The following MAPRE3 variants were observed in gnomAD, a reference collection of about 807,000 sequenced individuals.
The protein encoded by MAPRE3 is microtubule associated protein RP/EB family member 3, also known as microtubule-associated protein RP/EB family member 3.
MAPRE3 carries 2 observed loss-of-function variants against 30.5 expected under a neutral mutation model. That is an observed-to-expected ratio of 0.07 (90% confidence interval 0.03 to 0.21). The LOEUF is 0.21. Among genes scored for constraint, MAPRE3 ranks in the 10% least tolerant of loss-of-function variants. MAPRE3 has a pLI of 1.00. For missense variants in MAPRE3, 204 were observed against 351.8 expected (o/e 0.58, Z 3.36); for synonymous variants, 110 against 127.7 (o/e 0.86, Z 0.93).
At chr2:27,013,583 A>G (rs886644887) in intron 1 of MAPRE3, 4 of 151,844 alleles carry the variant, frequency 2.6e-5, no homozygotes, top group African/African-American at 4.9e-5. Flanking sequence ...CATTCATTCA[A>G]TAAATATATA....
intron 1 of MAPRE3, among the ~76,000 whole-genome samples, chr2:27,011,118 G>A (rs1666846752): frequency 1.3e-5 from 2 of 151,970 alleles, no homozygotes; most frequent in Non-Finnish European, 2.9e-5. Flanking sequence ...TATTTTCATC[G>A]CGTCCCTAAC....
chr2:26,980,653 G>A (rs1054007906), intron 1 of MAPRE3, among the ~76,000 whole-genome samples: 29 of 151,994 alleles, frequency 1.9e-4, no homozygotes, highest in African/African-American at 7.0e-4. Flanking sequence ...TTTTTCTTTT[G>A]TGGATTATTT....
chr2:27,026,711 C>G lies in MAPRE3; in HGVS notation c.*363C>G, dbSNP rs1180315562. On this transcript the variant is annotated 3_prime_UTR_variant, in exon 7 of 7. Coordinates refer to ENST00000233121, the MANE Select transcript of MAPRE3 (RefSeq NM_012326.4). ...AAAGTCATTGGTATATTTTTACTTA[C>G]TGGATTCTCCTTGCACTTTACCTGT... 4.5e-6 allele frequency: 1 copy of G among 221,300 alleles called. No individual in the cohort carries two copies. Among genetic ancestry groups the G allele is most frequent in the Non-Finnish European group, 8.8e-6 (1 of 113,850 alleles). The allele number at this position is 221,300 out of a possible 1,614,324, so 13.7% of individuals were successfully genotyped here. A position where few individuals can be genotyped will look rare whatever the true frequency, so the allele number is the denominator to read the frequency against.
chr2:26,979,719 G>A (rs571798010), intron 1 of MAPRE3, among the ~76,000 whole-genome samples: 15 of 152,354 alleles, frequency 9.8e-5, no homozygotes, highest in Admixed American at 1.3e-4. Flanking sequence ...AGGAATGGCC[G>A]TGGGAAGGGG....
intron 1 of MAPRE3, among the ~76,000 whole-genome samples, chr2:26,982,836 T>C (rs970878140): frequency 6.6e-6 from 1 of 152,236 alleles, no homozygotes; most frequent in African/African-American, 2.4e-5. Context: ...TTTGTTGCTG[T>C]CCATCCTTAA....
chr2:27,006,421 A>G (rs1666729937), intron 1 of MAPRE3, among the ~76,000 whole-genome samples: 1 of 152,094 alleles, frequency 6.6e-6, no homozygotes, highest in Non-Finnish European at 1.5e-5. Context: ...AAAACAAGCA[A>G]AGTTTTTTTA....
At chr2:27,023,533 A>G in intron 3 of MAPRE3, 56 bp downstream of exon 3, 1 of 1,606,334 alleles carries the variant, frequency 6.2e-7, no homozygotes, top group Non-Finnish European at 8.5e-7. Flanking sequence ...GGGGAAGAAG[A>G]GGACCCACCA....
chr2:26,980,825 G>A lies in MAPRE3; in HGVS notation c.-8+10023G>A, dbSNP rs142351754. On this transcript the variant is annotated intron_variant, in intron 1 of 6. Coordinates refer to ENST00000233121, the MANE Select transcript of MAPRE3 (RefSeq NM_012326.4). ...CATTTTTTATAAGAAGGAGGTCTGA[G>A]CATGTTTAATGGCAGAAGGGAAAAG... 1.1e-3 allele frequency among the ~76,000 whole-genome samples: 168 copies of A among 152,320 alleles called. 1 individual carries two copies. The highest frequency in any genetic ancestry group is 1.0e-2 in the Admixed American group (153 of 15,302).
intron 3 of MAPRE3, 143 bp downstream of exon 3, chr2:27,023,620 T>A (rs1377251161): frequency 1.1e-6 from 1 of 944,102 alleles, no homozygotes; most frequent in Non-Finnish European, 1.6e-6. Context: ...AGAGGGAATT[T>A]TCCCCCTGCT....
At chr2:26,992,531 ATT>A (rs376479759) in intron 1 of MAPRE3, among the ~76,000 whole-genome samples, 8 of 126,072 alleles carry the variant, frequency 6.3e-5, no homozygotes, top group Admixed American at 7.8e-5. Flanking sequence ...GGCCCAGATA[ATT>A]TTTTTTTTTT....
chr2:27,020,514 G>A (rs1376479315), intron 1 of MAPRE3, among the ~76,000 whole-genome samples: 1 of 152,172 alleles, frequency 6.6e-6, no homozygotes, highest in Non-Finnish European at 1.5e-5. Context: ...TCAGTTAGCA[G>A]CAGCAGCTGA....
At chr2:26,990,310 G>A (rs892084057) in intron 1 of MAPRE3, among the ~76,000 whole-genome samples, 3 of 152,040 alleles carry the variant, frequency 2.0e-5, no homozygotes, top group Non-Finnish European at 2.9e-5. Context: ...TGCTCTCCCC[G>A]CTCCCTGAGC....
chr2:27,025,628 C>T lies in MAPRE3; in HGVS notation c.515C>T (p.Ser172Phe). ...SPTGPKNMQT[S>F]GRLSNVAPPC... is the part of the protein sequence containing the mutation. Reference sequence around the variant, plus strand: ...ACAGGCCCAAAAAACATGCAGACCTCTGGCCGGCTGAGCAATGTGGCCCCC... The same window carrying T: ...ACAGGCCCAAAAAACATGCAGACCTTTGGCCGGCTGAGCAATGTGGCCCCC... The change falls in exon 5 of 7, where the codon TCT becomes TTT. Residue 172 changes from serine (S) to phenylalanine (F), a missense_variant. Ser to Phe is a radical substitution (Grantham distance 155). Transcript: ENST00000233121. 6.2e-7 allele frequency: 1 copy of T among 1,602,952 alleles called. No homozygotes were observed. Among genetic ancestry groups the T allele is most frequent in the Non-Finnish European group, 8.5e-7 (1 of 1,174,502 alleles).
At chr2:26,996,349 G>A (rs1170569468) in intron 1 of MAPRE3, among the ~76,000 whole-genome samples, 1 of 151,560 alleles carries the variant, frequency 6.6e-6, no homozygotes, top group Non-Finnish European at 1.5e-5. Context: ...AGAGATGAAG[G>A]CCTCACTATG....
chr2:26,990,181 C>A (rs1350147001), intron 1 of MAPRE3, among the ~76,000 whole-genome samples: 5 of 152,092 alleles, frequency 3.3e-5, no homozygotes, highest in Non-Finnish European at 7.4e-5. Context: ...TGAAAACAAA[C>A]AAAAAATTCC....
rs1323446040 is a variant in MAPRE3, at chr2:26,986,905, G to T, written c.-8+16103G>T. On this transcript the variant is annotated intron_variant, in intron 1 of 6. Coordinates refer to ENST00000233121, the MANE Select transcript of MAPRE3 (RefSeq NM_012326.4). This position sits in a 1 kb window ranked among gnomAD's most constrained non-coding sequence, Gnocchi z 4.2. ...GGAAGATGGAAATGGTGCTTGTGGA[G>T]TGTTGGTTGGAGGGAGAGTGGGAAG... 6.6e-6 allele frequency: 1 copy of T among 152,458 alleles called. No homozygotes were observed. The highest frequency in any genetic ancestry group is 1.5e-5 in the Non-Finnish European group (1 of 68,186). The allele number at this position is 152,458 out of a possible 1,614,324, so 9.4% of individuals were successfully genotyped here.
At chr2:26,980,291 C>T (rs1666086793) in intron 1 of MAPRE3, among the ~76,000 whole-genome samples, 1 of 152,152 alleles carries the variant, frequency 6.6e-6, no homozygotes, top group African/African-American at 2.4e-5. Flanking sequence ...AAAATAGAAG[C>T]AATGGCTGGT....
chr2:26,984,690 A>G (rs1345560734), intron 1 of MAPRE3: 1 of 152,250 alleles, frequency 6.6e-6, no homozygotes, highest in East Asian at 1.9e-4. Flanking sequence ...CCCTCCATAC[A>G]GAAAGCTCGT....
intron 1 of MAPRE3, among the ~76,000 whole-genome samples, chr2:26,979,623 C>T (rs1217086950): frequency 6.6e-6 from 1 of 152,074 alleles, no homozygotes; most frequent in East Asian, 1.9e-4. Context: ...GGAAGCAGAA[C>T]CTGACCTTGT....
Sources: gnomAD v4.1 joint callset for allele counts (sites outside exome capture counted in the v4.1 genomes callset) on GRCh38, gnomAD v4.1.1 for gene constraint, Gnocchi (gnomAD v3.1) non-coding constraint, MANE v1.5 for transcripts, NCBI Gene and HGNC (gene_info 2026-07-23, HGNC 2026-07-21) for gene names.